CCSER1: variants seen among roughly 807,000 people sequenced by gnomAD.
CCSER1 encodes serine-rich coiled-coil domain-containing protein 1.
A neutral mutation model predicts 82.0 loss-of-function variants in CCSER1; 41 were observed. That is an observed-to-expected ratio of 0.50 (90% CI 0.39 to 0.65). CCSER1 has a LOEUF of 0.65. Ranked by LOEUF, CCSER1 falls within the 30% of genes least tolerant of loss-of-function variation. The probability of loss-of-function intolerance (pLI) is 0.00; values close to 1 mark genes in which losing one functional copy is unlikely to be tolerated. For synonymous variants in CCSER1, 414 were observed against 383.9 expected (o/e 1.08, Z -0.92); for missense variants, 1,119 against 1,064.2 (o/e 1.05, Z -0.72).
chr4:90,141,928 T>C (rs1724868196), intron 1 of CCSER1, among the ~76,000 whole-genome samples: 2 of 152,228 alleles, frequency 1.3e-5, no homozygotes, highest in African/African-American at 4.8e-5. Context: ...AATGGGTTTG[T>C]ACCTGTACTC....
chr4:91,420,096 C>G (rs999262155), intron 10 of CCSER1, among the ~76,000 whole-genome samples: 1 of 151,978 alleles, frequency 6.6e-6, no homozygotes, highest in African/African-American at 2.4e-5. Context: ...CTCTAAAAGT[C>G]CTAGAAGAAA....
intron 6 of CCSER1, among the ~76,000 whole-genome samples, chr4:90,683,990 T>C (rs1038466041): frequency 3.3e-5 from 5 of 152,194 alleles, no homozygotes; most frequent in African/African-American, 1.2e-4. Context: ...TGCCTTCCCA[T>C]GGCTTCAAGC....
At chr4:90,661,825 A>G (rs1730842870) in intron 6 of CCSER1, among the ~76,000 whole-genome samples, 1 of 152,152 alleles carries the variant, frequency 6.6e-6, no homozygotes, top group Non-Finnish European at 1.5e-5. Context: ...ATAATGGAAC[A>G]CAATTCCACA....
At chr4:90,375,898 C>T (rs894925267) in intron 3 of CCSER1, among the ~76,000 whole-genome samples, 3 of 152,216 alleles carry the variant, frequency 2.0e-5, no homozygotes, top group East Asian at 1.9e-4. Context: ...CAAATTTAAC[C>T]GGAGACTGTA....
At chr4:90,802,116 G>T (rs1561162034) in intron 7 of CCSER1, among the ~76,000 whole-genome samples, 1 of 151,756 alleles carries the variant, frequency 6.6e-6, no homozygotes, top group Non-Finnish European at 1.5e-5. Context: ...TACTTGGGAG[G>T]CTGAGGCACG....
intron 10 of CCSER1, among the ~76,000 whole-genome samples, chr4:91,470,885 A>G (rs558684265): frequency 1.3e-5 from 2 of 152,268 alleles, no homozygotes; most frequent in East Asian, 3.9e-4. Context: ...AATAAATAGG[A>G]TATATTCATA....
At chr4:90,591,981 C>A (rs1052205944) in intron 5 of CCSER1, among the ~76,000 whole-genome samples, 3 of 152,050 alleles carry the variant, frequency 2.0e-5, no homozygotes, top group African/African-American at 7.2e-5. Context: ...GGGAGTTGAA[C>A]AATGAGAACA....
chr4:90,650,175 C>T (rs1348306444), intron 6 of CCSER1, among the ~76,000 whole-genome samples: 2 of 151,972 alleles, frequency 1.3e-5, no homozygotes, highest in African/African-American at 4.8e-5. Flanking sequence ...CGAGGTTGCA[C>T]CACTGCACTC....
intron 4 of CCSER1, among the ~76,000 whole-genome samples, chr4:90,454,233 T>G (rs1345807526): frequency 1.3e-5 from 2 of 151,686 alleles, no homozygotes; most frequent in African/African-American, 2.4e-5. Context: ...TTCATGTTTT[T>G]TTTTTTTTTT....
intron 10 of CCSER1, among the ~76,000 whole-genome samples, chr4:91,265,894 G>T (rs13120333): frequency 6.6e-6 from 1 of 151,968 alleles, no homozygotes; most frequent in African/African-American, 2.4e-5. Context: ...AGGTTTAATG[G>T]TCTCACAGTT....
chr4:90,588,865 A>G (rs899953198), intron 5 of CCSER1, among the ~76,000 whole-genome samples: 8 of 152,180 alleles, frequency 5.3e-5, no homozygotes, highest in African/African-American at 1.9e-4. Context: ...CCCAAGCCAC[A>G]TGGAACTGTG....
intron 9 of CCSER1, among the ~76,000 whole-genome samples, chr4:91,084,097 A>T (rs1723109690): frequency 6.6e-6 from 1 of 151,730 alleles, no homozygotes; most frequent in Non-Finnish European, 1.5e-5. Context: ...CACCCAGCTA[A>T]TTTTTTTGTA....
chr4:91,500,117 C>T lies in CCSER1; in HGVS notation c.2218-98455C>T, dbSNP rs923552377. On this transcript the variant is annotated intron_variant, in intron 10 of 10. Coordinates refer to ENST00000509176, the MANE Select transcript of CCSER1 (RefSeq NM_001145065.2). ...CATTGAATAAGAGGTCCTGTTATTC[C>T]ATATCCTCATCAACATTTTGTGTTG... 3.3e-5 allele frequency among the ~76,000 whole-genome samples: 5 copies of T among 152,034 alleles called. No individual in the cohort carries two copies. In the East Asian group the frequency reaches 9.7e-4, roughly 29 times the overall value.
At chr4:91,052,324 A>G (rs1294338051) in intron 9 of CCSER1, among the ~76,000 whole-genome samples, 2 of 152,242 alleles carry the variant, frequency 1.3e-5, no homozygotes, top group East Asian at 1.9e-4. Context: ...TACTGAAGGA[A>G]AATTACTATA....
At chr4:91,246,747 C>T (rs965208286) in intron 10 of CCSER1, among the ~76,000 whole-genome samples, 2 of 151,788 alleles carry the variant, frequency 1.3e-5, no homozygotes, top group Non-Finnish European at 2.9e-5. Flanking sequence ...ATTAAAATAT[C>T]TCATGTACCC....
chr4:91,523,422 T>C (rs1760603150), intron 10 of CCSER1, among the ~76,000 whole-genome samples: 2 of 152,228 alleles, frequency 1.3e-5, no homozygotes, highest in South Asian at 4.1e-4. Flanking sequence ...TCTTTTTCTG[T>C]TGACTGGCAT....
intron 3 of CCSER1, among the ~76,000 whole-genome samples, chr4:90,391,241 C>T (rs1268052948): frequency 3.8e-4 from 52 of 137,680 alleles, no homozygotes; most frequent in Non-Finnish European, 5.8e-4. Context: ...CCATTGCGCT[C>T]CAGCCTGGGC....
chr4:90,667,527 G>A (rs1732030450), intron 6 of CCSER1, among the ~76,000 whole-genome samples: 1 of 152,028 alleles, frequency 6.6e-6, no homozygotes. Context: ...GGTGGGTGAT[G>A]TTCCCCTCCC....
At chr4:90,908,966 T>A (rs1725920775) in intron 8 of CCSER1, among the ~76,000 whole-genome samples, 1 of 152,152 alleles carries the variant, frequency 6.6e-6, no homozygotes, top group Admixed American at 6.6e-5. Context: ...AAATTTATTT[T>A]CTCAGAAGTC....
Sources: gnomAD v4.1 joint callset for allele counts (sites outside exome capture counted in the v4.1 genomes callset) on GRCh38, gnomAD v4.1.1 for gene constraint, MANE v1.5 for transcripts, NCBI Gene and HGNC (gene_info 2026-07-23, HGNC 2026-07-21) for gene names.